FAM193A: variants seen among roughly 807,000 people sequenced by gnomAD.
FAM193A encodes family with sequence similarity 193 member A, also known as protein FAM193A.
Under a neutral mutation model 126.5 loss-of-function variants are expected in FAM193A, and 22 were observed. That is an observed-to-expected ratio of 0.17 (90% CI 0.12 to 0.25). FAM193A has a LOEUF of 0.25. FAM193A is among the 10% of genes least tolerant of loss of function. The pLI is 1.00. For missense variants in FAM193A, 1,675 were observed against 1,672.8 expected, an observed-to-expected ratio of 1.00 and a Z score of -0.02; for synonymous variants, 761 against 646.8, an observed-to-expected ratio of 1.18 and a Z score of -2.68.
intron 6 of FAM193A, among the ~76,000 whole-genome samples, chr4:2,641,754 T>C (rs1025855127): frequency 6.6e-6 from 1 of 152,164 alleles, no homozygotes; most frequent in Non-Finnish European, 1.5e-5. Flanking sequence ...CCTGACCATC[T>C]CCACTTCATA....
intron 1 of FAM193A, among the ~76,000 whole-genome samples, chr4:2,577,801 C>T (rs771320585): frequency 4.6e-5 from 7 of 152,188 alleles, no homozygotes; most frequent in Non-Finnish European, 7.3e-5. Flanking sequence ...GATTTCTAAT[C>T]TCAAGCTGTT....
At chr4:2,562,721 C>T (rs1738698243) in intron 1 of FAM193A, among the ~76,000 whole-genome samples, 1 of 151,918 alleles carries the variant, frequency 6.6e-6, no homozygotes, top group African/African-American at 2.4e-5. Context: ...CCTCCGCCTC[C>T]CGGGTTCAAG....
chr4:2,539,151 C>G (rs183283631), intron 1 of FAM193A, among the ~76,000 whole-genome samples: 447 of 152,256 alleles, frequency 2.9e-3, no homozygotes, highest in Admixed American at 5.1e-3. Flanking sequence ...TTTGGCCTCT[C>G]AAAGTCCTGG....
chr4:2,610,221 ACT>A (rs1741782075), intron 2 of FAM193A, among the ~76,000 whole-genome samples: 2 of 152,040 alleles, frequency 1.3e-5, no homozygotes, highest in African/African-American at 4.8e-5. Flanking sequence ...ACAGAGCGAG[ACT>A]CTGTCTCAAA....
chr4:2,643,635 C>G (rs1257164199), intron 6 of FAM193A, among the ~76,000 whole-genome samples: 1 of 152,110 alleles, frequency 6.6e-6, no homozygotes, highest in Non-Finnish European at 1.5e-5. Context: ...CCCTTGACTC[C>G]CCACCATTTT....
At chr4:2,717,629 T>C (rs1719689854) in intron 20 of FAM193A, among the ~76,000 whole-genome samples, 2 of 149,248 alleles carry the variant, frequency 1.3e-5, no homozygotes, top group Admixed American at 6.7e-5. Flanking sequence ...AGGCATGCAC[T>C]TGTAGTCCAA....
At chr4:2,680,073 C>T (rs751328565) in intron 13 of FAM193A, among the ~76,000 whole-genome samples, 1 of 151,932 alleles carries the variant, frequency 6.6e-6, no homozygotes, top group Non-Finnish European at 1.5e-5. Context: ...GTTGGCCAGG[C>T]TGGTCTCAAA....
intron 12 of FAM193A, among the ~76,000 whole-genome samples, chr4:2,663,506 G>A (rs1712733299): frequency 6.6e-6 from 1 of 152,002 alleles, no homozygotes; most frequent in African/African-American, 2.4e-5. Context: ...GCTCTGTGGA[G>A]GCCTTTTTTG....
At chr4:2,538,878 A>G (rs570067160) in intron 1 of FAM193A, among the ~76,000 whole-genome samples, 1 of 151,848 alleles carries the variant, frequency 6.6e-6, no homozygotes, top group Non-Finnish European at 1.5e-5. Flanking sequence ...TAGGTAAAAT[A>G]TAACTTTATT....
At chr4:2,730,292 C>A (rs1275640637) in intron 20 of FAM193A, among the ~76,000 whole-genome samples, 1 of 152,200 alleles carries the variant, frequency 6.6e-6, no homozygotes, top group African/African-American at 2.4e-5. Context: ...AGACCTGACA[C>A]AGGAATCCTT....
intron 10 of FAM193A, among the ~76,000 whole-genome samples, chr4:2,661,881 ATC>A (rs1235576208): frequency 6.6e-5 from 10 of 152,108 alleles, no homozygotes; most frequent in African/African-American, 2.4e-4. Flanking sequence ...AAGCCTTGAA[ATC>A]TGTTTAAAAT....
intron 1 of FAM193A, among the ~76,000 whole-genome samples, chr4:2,561,558 G>C (rs1247042264): frequency 6.7e-6 from 1 of 149,438 alleles, no homozygotes; most frequent in African/African-American, 2.5e-5. Flanking sequence ...GTGCAGTGGC[G>C]CAATCTCGGC....
At chr4:2,718,379 T>C (rs2109383963) in intron 20 of FAM193A, among the ~76,000 whole-genome samples, 1 of 152,180 alleles carries the variant, frequency 6.6e-6, no homozygotes. Flanking sequence ...GCTATGTTCA[T>C]TATGCTATAC....
In FAM193A at chr4:2,665,232, A is replaced by G. The variant is rs369306825; in HGVS notation, c.2079+1944A>G. 2.6e-5 allele frequency among the ~76,000 whole-genome samples: 4 copies of G among 152,278 alleles called. 1 individual carries two copies. The highest frequency in any genetic ancestry group is 1.9e-4 in the East Asian group (1 of 5,180). On this transcript the variant is annotated intron_variant, in intron 12 of 20. Transcript: ENST00000637812. ...TGTGTTTTCATTCACAGTAAAAGGT[A>G]TTTTCTAATTTTGATTTCCAATTGA...
In FAM193A at chr4:2,663,300, C is replaced by T; in HGVS notation, c.2079+12C>T. ...ACCCAACACAGCAGGTAGGACTTTGCTTGCTGTTTTGCCAAGGATCTCTTT... is the reference window on the plus strand; with the variant it reads ...ACCCAACACAGCAGGTAGGACTTTGTTTGCTGTTTTGCCAAGGATCTCTTT... On this transcript the variant is annotated intron_variant, in intron 12 of 20. Transcript: ENST00000637812. The T allele has an allele frequency of 6.5e-7, 1 of 1,542,544 alleles. No individual in the cohort carries two copies. The highest frequency in any genetic ancestry group is 2.2e-5 in the Admixed American group (1 of 45,648).
At chr4:2,705,823 A>C (rs1718240971) in intron 19 of FAM193A, among the ~76,000 whole-genome samples, 1 of 152,024 alleles carries the variant, frequency 6.6e-6, no homozygotes, top group African/African-American at 2.4e-5. Flanking sequence ...CCTGGGCTAA[A>C]GCAGTCCTCC....
intron 12 of FAM193A, among the ~76,000 whole-genome samples, chr4:2,666,921 C>T (rs1321904900): frequency 6.6e-6 from 1 of 152,128 alleles, no homozygotes; most frequent in Non-Finnish European, 1.5e-5. Context: ...GTCAATTTCT[C>T]TGTTTTCGTT....
At chr4:2,727,822 C>T (rs1169894616) in intron 20 of FAM193A, among the ~76,000 whole-genome samples, 2 of 152,160 alleles carry the variant, frequency 1.3e-5, no homozygotes, top group African/African-American at 2.4e-5. Flanking sequence ...AGACTTTAAA[C>T]CCCAAAAGAC....
At chr4:2,591,656 A>G (rs1002067984) in intron 1 of FAM193A, among the ~76,000 whole-genome samples, 5 of 152,152 alleles carry the variant, frequency 3.3e-5, no homozygotes, top group Admixed American at 6.5e-5. Flanking sequence ...TAAGAAGTTT[A>G]TCTGTAAAGT....
Sources: allele counts gnomAD v4.1 joint callset (sites outside exome capture counted in the v4.1 genomes callset), GRCh38; gene constraint gnomAD v4.1.1; transcripts MANE v1.5; gene names NCBI Gene and HGNC (gene_info 2026-07-23, HGNC 2026-07-21).